Variants in RIMS2 observed in about 807,000 individuals in gnomAD.
RIMS2 encodes regulating synaptic membrane exocytosis protein 2.
A neutral mutation model predicts 174.4 loss-of-function variants in RIMS2; 59 were observed. The observed-to-expected ratio is 0.34, with a 90% CI of 0.27 to 0.42. The LOEUF (loss-of-function observed/expected upper bound fraction) is 0.42. RIMS2 is among the 10% of genes least tolerant of loss of function. The probability of loss-of-function intolerance (pLI) is 1.00; values close to 1 mark genes in which losing one functional copy is unlikely to be tolerated. For missense variants in RIMS2, 1,620 were observed against 1,666.3 expected, an observed-to-expected ratio of 0.97 and a Z score of 0.48; for synonymous variants, 606 against 572.5, an observed-to-expected ratio of 1.06 and a Z score of -0.84.
rs28515578 is a variant in RIMS2, at chr8:104,228,807, C to T, written c.3335-16109C>T. ...ATTATTTTTTCTAGATTATGTGTAA[C>T]AAATCATTCCATAAATGAGTTCATA... On this transcript the variant is annotated intron_variant, in intron 19 of 23. Coordinates refer to ENST00000504942, the Ensembl canonical transcript of RIMS2. Among the ~76,000 whole-genome samples, 1,508 of 152,174 alleles carry T rather than the reference C, an allele frequency of 9.9e-3. 20 individuals carry two copies. Among genetic ancestry groups the T allele is most frequent in the African/African-American group, 0.033 (1,358 of 41,528 alleles).
intron 19 of RIMS2, among the ~76,000 whole-genome samples, chr8:104,131,291 A>G (rs2098471825): frequency 6.6e-6 from 1 of 152,144 alleles, no homozygotes; most frequent in Non-Finnish European, 1.5e-5. Flanking sequence ...GGCTAGAGGC[A>G]GAGATAGGAA....
chr8:103,526,987 A>G (rs964783133), intron 1 of RIMS2, among the ~76,000 whole-genome samples: 7 of 152,182 alleles, frequency 4.6e-5, no homozygotes, highest in Admixed American at 1.3e-4. Flanking sequence ...ACCCCAAAAC[A>G]ACAAAAATCC....
rs968763127 is a variant in RIMS2 at position 103,970,141 on chromosome 8, T to C, written c.2771-5209T>C. ...TGCTGTAAATAGGCCTTTAGTAATG[T>C]GCTGGTAAGGTCGGGGAAGGGAAAC... On this transcript the variant is annotated intron_variant, in intron 15 of 23. Coordinates refer to ENST00000504942, the Ensembl canonical transcript of RIMS2. Among the ~76,000 whole-genome samples the C allele has an allele frequency of 2.4e-4, 37 of 152,170 alleles. 1 individual carries two copies. Among genetic ancestry groups the C allele is most frequent in the Admixed American group, 2.2e-3 (34 of 15,266 alleles).
At chr8:103,682,635 C>T (rs1482749446) in intron 1 of RIMS2, among the ~76,000 whole-genome samples, 1 of 152,128 alleles carries the variant, frequency 6.6e-6, no homozygotes, top group African/African-American at 2.4e-5. Flanking sequence ...CGTCAATTAA[C>T]TCCTGAGTCT....
At chr8:103,509,617 G>A (rs1189485436) in intron 1 of RIMS2, among the ~76,000 whole-genome samples, 2 of 152,090 alleles carry the variant, frequency 1.3e-5, no homozygotes, top group African/African-American at 2.4e-5. Context: ...TTCAGAAAGT[G>A]CTTGTATTAT....
intron 19 of RIMS2, among the ~76,000 whole-genome samples, chr8:104,043,890 C>T (rs2096649673): frequency 6.6e-6 from 1 of 151,222 alleles, no homozygotes; most frequent in Non-Finnish European, 1.5e-5. Context: ...AAGGAAATTG[C>T]CTAGAATATA....
intron 19 of RIMS2, among the ~76,000 whole-genome samples, chr8:104,070,430 T>C (rs1249387881): frequency 6.6e-6 from 1 of 152,248 alleles, no homozygotes; most frequent in African/African-American, 2.4e-5. Context: ...TATGAATAAC[T>C]TCAAACAGGT....
chr8:103,939,330 G>A (rs1370458683), intron 13 of RIMS2, among the ~76,000 whole-genome samples: 1 of 152,220 alleles, frequency 6.6e-6, no homozygotes, highest in Non-Finnish European at 1.5e-5. Context: ...TGTGGAAGCT[G>A]CCAAGCTTGG....
chr8:104,179,945 A>G (rs1325282457), intron 19 of RIMS2, among the ~76,000 whole-genome samples: 2 of 151,806 alleles, frequency 1.3e-5, no homozygotes. Flanking sequence ...CATACATTCC[A>G]GTATGTACCC....
At chr8:104,065,201 GA>G (rs2097083594) in intron 19 of RIMS2, among the ~76,000 whole-genome samples, 1 of 152,028 alleles carries the variant, frequency 6.6e-6, no homozygotes, top group African/African-American at 2.4e-5. Flanking sequence ...CTGAGAGAAA[GA>G]GAGAGGAAAT....
At chr8:103,734,046 C>T (rs796579228) in intron 2 of RIMS2, among the ~76,000 whole-genome samples, 3 of 111,508 alleles carry the variant, frequency 2.7e-5, no homozygotes, top group African/African-American at 4.1e-5. Context: ...TTTTCCCAGA[C>T]GGAGTCTCGC....
rs796235013 is a variant in RIMS2 at position 104,159,442 on chromosome 8, G to T, written c.3335-85474G>T. ...TTCCAATTCTGTGAAGAAAGTCAGT[G>T]GCAGCTTGATGGGGATAGCATTGAA... On this transcript the variant is annotated intron_variant, in intron 19 of 23. Transcript: ENST00000504942. Among the ~76,000 whole-genome samples the T allele has an allele frequency of 3.3e-5, 5 of 152,126 alleles. No individual in the cohort carries two copies. In the East Asian group the frequency reaches 7.7e-4, roughly 23 times the overall value.
At chr8:103,932,352 A>G (rs1405296428) in intron 12 of RIMS2, among the ~76,000 whole-genome samples, 2 of 152,228 alleles carry the variant, frequency 1.3e-5, no homozygotes, top group Admixed American at 1.3e-4. Flanking sequence ...AGAAAAGGAC[A>G]AAAGAATAGA....
At chr8:104,057,063 CTT>C (rs749665730) in intron 19 of RIMS2, among the ~76,000 whole-genome samples, 40 of 135,398 alleles carry the variant, frequency 3.0e-4, no homozygotes, top group Non-Finnish European at 4.8e-4. Flanking sequence ...TTTTCTTTTT[CTT>C]TTTTTTTTTT....
intron 15 of RIMS2, among the ~76,000 whole-genome samples, chr8:103,962,830 T>C (rs1259937794): frequency 2.6e-5 from 4 of 152,140 alleles, no homozygotes; most frequent in Non-Finnish European, 5.9e-5. Context: ...ACCTATTGAG[T>C]GTACTAACTA....
rs143173676 is a variant in RIMS2 at position 103,834,099 on chromosome 8, C to G, written c.699-51199C>G. On this transcript the variant is annotated intron_variant, in intron 3 of 23. Transcript: ENST00000504942. Reference sequence around the variant, plus strand: ...ATCAGAGTTTACTGCAGCCTCAACCCTCTGGGCTCAAGTGATCATCCCGCC... The same window carrying G: ...ATCAGAGTTTACTGCAGCCTCAACCGTCTGGGCTCAAGTGATCATCCCGCC... 4.9e-3 allele frequency among the ~76,000 whole-genome samples: 749 copies of G among 152,030 alleles called. 5 individuals carry two copies. Among genetic ancestry groups the G allele is most frequent in the African/African-American group, 0.018 (730 of 41,470 alleles).
At chr8:103,773,907 C>T (rs1474950390) in intron 3 of RIMS2, among the ~76,000 whole-genome samples, 1 of 148,392 alleles carries the variant, frequency 6.7e-6, no homozygotes, top group Non-Finnish European at 1.5e-5. Context: ...CGTGGGAGGC[C>T]GAGGCAGGCA....
At chr8:103,817,616 A>C (rs2098726064) in intron 3 of RIMS2, among the ~76,000 whole-genome samples, 1 of 152,068 alleles carries the variant, frequency 6.6e-6, no homozygotes, top group African/African-American at 2.4e-5. Flanking sequence ...CCCTGTCTCC[A>C]CTAAAAATAC....
intron 19 of RIMS2, among the ~76,000 whole-genome samples, chr8:104,239,935 G>C (rs957596413): frequency 6.6e-6 from 1 of 152,116 alleles, no homozygotes; most frequent in Non-Finnish European, 1.5e-5. Flanking sequence ...TTCGGTAGTG[G>C]ACAGAATCCA....
Sources: gnomAD v4.1 joint callset for allele counts (sites outside exome capture counted in the v4.1 genomes callset) on GRCh38, gnomAD v4.1.1 for gene constraint, MANE v1.5 for transcripts, NCBI Gene and HGNC (gene_info 2026-07-23, HGNC 2026-07-21) for gene names.